Variants in RIMS2 observed in about 807,000 individuals in gnomAD.
RIMS2 encodes regulating synaptic membrane exocytosis protein 2.
In RIMS2, 59 loss-of-function variants were observed where a neutral mutation model predicts 174.4. That is an observed-to-expected ratio of 0.34 (90% CI 0.27 to 0.42). RIMS2 has a LOEUF of 0.42. Among genes scored for constraint, RIMS2 ranks in the 10% least tolerant of loss-of-function variants. RIMS2 has a pLI of 1.00. For missense variants in RIMS2, 1,620 were observed against 1,666.3 expected, an observed-to-expected ratio of 0.97 and a Z score of 0.48; for synonymous variants, 606 against 572.5, an observed-to-expected ratio of 1.06 and a Z score of -0.84.
chr8:103,528,795 C>T (rs574548356), intron 1 of RIMS2, among the ~76,000 whole-genome samples: 1 of 152,198 alleles, frequency 6.6e-6, no homozygotes, highest in African/African-American at 2.4e-5. Context: ...GTTACTGTAG[C>T]CTTGTAGTAT....
chr8:103,954,989 A>G (rs1271273265), intron 14 of RIMS2, among the ~76,000 whole-genome samples: 1 of 152,242 alleles, frequency 6.6e-6, no homozygotes, highest in Non-Finnish European at 1.5e-5. Flanking sequence ...CAAACAAACT[A>G]GAAAATCTAG....
chr8:104,054,845 G>T lies in RIMS2; in HGVS notation c.3334+40230G>T, dbSNP rs146491861. Among the ~76,000 whole-genome samples, 3 of 152,134 alleles carry T rather than the reference G, an allele frequency of 2.0e-5. No homozygotes were observed. In the East Asian group the frequency reaches 5.8e-4, roughly 29 times the overall value. On this transcript the variant is annotated intron_variant, in intron 19 of 23. Transcript: ENST00000504942. ...AATCATCTTATCTGACATGTGTGTT[G>T]TTTGCAACATGTTATTAGCATAAAG...
chr8:103,916,631 A>G, intron 8 of RIMS2, 94 bp downstream of exon 11: 3 of 1,013,342 alleles, frequency 3.0e-6, no homozygotes, highest in Non-Finnish European at 2.8e-6. Context: ...TGCTTTATGG[A>G]AATGAATTAT....
intron 10 of RIMS2, among the ~76,000 whole-genome samples, chr8:103,922,966 A>G (rs1210718602): frequency 6.6e-6 from 1 of 151,982 alleles, no homozygotes; most frequent in African/African-American, 2.4e-5. Flanking sequence ...TAAATGTTCC[A>G]CTAAAATATA....
At chr8:103,626,064 T>C (rs2095777085) in intron 1 of RIMS2, among the ~76,000 whole-genome samples, 1 of 152,136 alleles carries the variant, frequency 6.6e-6, no homozygotes, top group Non-Finnish European at 1.5e-5. Flanking sequence ...ATAAATGTTG[T>C]AAGTGCATAA....
At chr8:103,948,016 C>G (rs890732252) in intron 14 of RIMS2, among the ~76,000 whole-genome samples, 1 of 152,004 alleles carries the variant, frequency 6.6e-6, no homozygotes, top group Non-Finnish European at 1.5e-5. Context: ...ATAGTGCTGT[C>G]AAAAAGTGGG....
At chr8:103,608,668 G>A (rs2095245668) in intron 1 of RIMS2, among the ~76,000 whole-genome samples, 1 of 151,736 alleles carries the variant, frequency 6.6e-6, no homozygotes, top group African/African-American at 2.4e-5. Flanking sequence ...GACCCTCTGA[G>A]CCATGTGCAG....
At chr8:103,623,588 C>A in intron 1 of RIMS2, among the ~76,000 whole-genome samples, 1 of 150,052 alleles carries the variant, frequency 6.7e-6, no homozygotes, top group East Asian at 2.0e-4. Flanking sequence ...GGGTTCACGC[C>A]ATTCTCCTGC....
At chr8:103,887,205 T>C (rs950054614) in intron 4 of RIMS2, among the ~76,000 whole-genome samples, 2 of 151,788 alleles carry the variant, frequency 1.3e-5, no homozygotes, top group Non-Finnish European at 2.9e-5. Flanking sequence ...TGATATCTTC[T>C]GTGAATTATC....
intron 1 of RIMS2, among the ~76,000 whole-genome samples, chr8:103,576,390 G>T (rs1400059899): frequency 6.6e-6 from 1 of 152,104 alleles, no homozygotes; most frequent in East Asian, 1.9e-4. Flanking sequence ...GGTAAGACTG[G>T]AATAAATAAC....
chr8:104,221,950 G>A (rs891098981), intron 19 of RIMS2, among the ~76,000 whole-genome samples: 3 of 152,114 alleles, frequency 2.0e-5, no homozygotes, highest in African/African-American at 7.2e-5. Context: ...CTGCTGTTCT[G>A]TGGTCACACC....
At chr8:103,914,996 C>T (rs569344461) in intron 6 of RIMS2, among the ~76,000 whole-genome samples, 13 of 151,670 alleles carry the variant, frequency 8.6e-5, no homozygotes, top group East Asian at 1.9e-4. Context: ...GATGCGATTA[C>T]GTAAATTTTG....
chr8:103,940,516 A>C (rs1042926870), intron 13 of RIMS2, among the ~76,000 whole-genome samples: 1 of 152,052 alleles, frequency 6.6e-6, no homozygotes, highest in African/African-American at 2.4e-5. Flanking sequence ...TTTCTGAGTA[A>C]ATTAAATGGT....
chr8:104,134,281 A>C (rs1484654838), intron 19 of RIMS2, among the ~76,000 whole-genome samples: 3 of 152,186 alleles, frequency 2.0e-5, no homozygotes, highest in African/African-American at 7.2e-5. Context: ...CTTGACCAGC[A>C]TGGTGAGATC....
At chr8:104,188,500 A>G (rs1367942578) in intron 19 of RIMS2, among the ~76,000 whole-genome samples, 1 of 151,644 alleles carries the variant, frequency 6.6e-6, no homozygotes, top group Non-Finnish European at 1.5e-5. Flanking sequence ...CCAACTACAA[A>G]TAAGACTTGT....
intron 1 of RIMS2, among the ~76,000 whole-genome samples, chr8:103,589,332 T>C (rs941151543): frequency 8.5e-3 from 1 of 118 alleles, no homozygotes. Flanking sequence ...GAAAAAGTGC[T>C]CTATATCATG....
In RIMS2 at chr8:104,003,417, CT is replaced by C. The variant is rs56779976; in HGVS notation, c.3045-10011del. On this transcript the variant is annotated intron_variant, in intron 17 of 23. Transcript: ENST00000504942. The stretch of plus-strand genomic sequence containing the variant: ...AGAGAGTGTTCCACTTGTGAAGAAT[CT>C]TTTTTTTTTTTTTGCAATGGAGTCT... Among the ~76,000 whole-genome samples the C allele has an allele frequency of 2.8e-3, 401 of 141,964 alleles. 1 individual carries two copies. Among genetic ancestry groups the C allele is most frequent in the Middle Eastern group, 7.3e-3 (2 of 274 alleles). The allele number at this position is 141,964 out of a possible 152,430, so 93.1% of individuals were successfully genotyped here.
At chr8:103,591,002 C>CA (rs1409974387) in intron 1 of RIMS2, among the ~76,000 whole-genome samples, 1 of 150,530 alleles carries the variant, frequency 6.6e-6, no homozygotes, top group African/African-American at 2.4e-5. Context: ...ATACTCCCAC[C>CA]AAAAAAGGTA....
intron 2 of RIMS2, among the ~76,000 whole-genome samples, chr8:103,737,417 C>T (rs936985878): frequency 3.9e-5 from 6 of 151,946 alleles, no homozygotes; most frequent in Admixed American, 1.3e-4. Context: ...AAACTCCCAA[C>T]CTCTGGTGGT....
Sources: gnomAD v4.1 joint callset for allele counts (sites outside exome capture counted in the v4.1 genomes callset) on GRCh38, gnomAD v4.1.1 for gene constraint, MANE v1.5 for transcripts, NCBI Gene and HGNC (gene_info 2026-07-23, HGNC 2026-07-21) for gene names.